Variants in ANO2 observed in about 807,000 individuals in gnomAD.
ANO2 encodes anoctamin 2, also known as anoctamin-2.
In ANO2, 101 loss-of-function variants were observed where a neutral mutation model predicts 124.2. The observed-to-expected ratio is 0.81, with a 90% CI of 0.69 to 0.96. The LOEUF (loss-of-function observed/expected upper bound fraction) is 0.96, where lower values mean the gene tolerates loss of function less well. ANO2 is among the 40% of genes least tolerant of loss of function. The probability of loss-of-function intolerance (pLI) is 0.00; values close to 1 mark genes in which losing one functional copy is unlikely to be tolerated. For missense variants in ANO2, 1,293 were observed against 1,274.5 expected (o/e 1.01, Z -0.22); for synonymous variants, 486 against 482.5 (o/e 1.01, Z -0.09).
At chr12:5,872,487 T>C (rs1937771966) in intron 3 of ANO2, among the ~76,000 whole-genome samples, 1 of 152,096 alleles carries the variant, frequency 6.6e-6, no homozygotes, top group Non-Finnish European at 1.5e-5. Flanking sequence ...TCACCTCAAA[T>C]CAGTGACTAA....
intron 7 of ANO2, among the ~76,000 whole-genome samples, chr12:5,817,924 A>C (rs1033768694): frequency 2.2e-4 from 33 of 152,192 alleles, no homozygotes; most frequent in African/African-American, 5.8e-4. Context: ...GAAATCAAGG[A>C]AAATGTGGCC....
intron 11 of ANO2, among the ~76,000 whole-genome samples, chr12:5,745,997 T>C (rs920294746): frequency 1.1e-4 from 17 of 152,344 alleles, no homozygotes; most frequent in Non-Finnish European, 1.9e-4. Flanking sequence ...CACTTGTCTG[T>C]ATAAATTCTA....
chr12:5,632,329 C>T (rs1001414891), intron 16 of ANO2, among the ~76,000 whole-genome samples: 1 of 151,918 alleles, frequency 6.6e-6, no homozygotes, highest in African/African-American at 2.4e-5. Flanking sequence ...AAGAGATTCA[C>T]ATTTTAGAGG....
chr12:5,845,352 G>GCGAA (rs1954649433), intron 4 of ANO2, among the ~76,000 whole-genome samples: 1 of 151,948 alleles, frequency 6.6e-6, no homozygotes, highest in Non-Finnish European at 1.5e-5. Flanking sequence ...TGGATCACAA[G>GCGAA]GTCAGGAGAC....
chr12:5,815,750 C>T (rs1359769926), intron 7 of ANO2, among the ~76,000 whole-genome samples: 1 of 152,004 alleles, frequency 6.6e-6, no homozygotes, highest in Non-Finnish European at 1.5e-5. Context: ...TTTATTTTCT[C>T]TGGTTCTTAT....
intron 3 of ANO2, among the ~76,000 whole-genome samples, chr12:5,854,374 C>T (rs1371626563): frequency 1.5e-5 from 2 of 137,152 alleles, no homozygotes; most frequent in African/African-American, 5.7e-5. Flanking sequence ...AAGTGTGGCC[C>T]CTGGAAGTTT....
intron 2 of ANO2, among the ~76,000 whole-genome samples, chr12:5,922,090 A>G (rs1486887752): frequency 1.3e-5 from 2 of 152,156 alleles, no homozygotes; most frequent in African/African-American, 2.4e-5. Context: ...GCCCTTTCAA[A>G]GACAGCAGCA....
chr12:5,919,761 G>A (rs1262083848), intron 3 of ANO2, among the ~76,000 whole-genome samples: 4 of 151,830 alleles, frequency 2.6e-5, no homozygotes, highest in African/African-American at 7.3e-5. Context: ...GCAGTGGCGC[G>A]ATCTCGGCTC....
rs1952286112 is a variant in ANO2 at position 5,778,241 on chromosome 12, C to A, written c.1055+21266G>T. Reference sequence around the variant, plus strand: ...AGCACTACAAGATGAGTATTATTAACCCTATTTTATAGATGAGGACTGAGA... The same window carrying A: ...AGCACTACAAGATGAGTATTATTAAACCTATTTTATAGATGAGGACTGAGA... On this transcript the variant is annotated intron_variant, in intron 10 of 24. Transcript: ENST00000682330. Among the ~76,000 whole-genome samples the A allele has an allele frequency of 2.0e-5, 3 of 152,142 alleles. No homozygotes were observed. In the South Asian group the frequency reaches 6.2e-4, roughly 32 times the overall value.
At chr12:5,863,961 G>A (rs1451350437) in intron 3 of ANO2, among the ~76,000 whole-genome samples, 1 of 152,094 alleles carries the variant, frequency 6.6e-6, no homozygotes, top group East Asian at 1.9e-4. Flanking sequence ...ACATATGAAG[G>A]TATTTTGTAA....
At position 5,565,599 on chromosome 12, in the gene ANO2, A is replaced by G; in HGVS notation, c.2686T>C (p.Phe896Leu). The G allele has an allele frequency of 6.2e-7, 1 of 1,606,370 alleles. No individual in the cohort carries two copies. The highest frequency in any genetic ancestry group is 1.1e-5 in the South Asian group (1 of 89,164). The change falls in exon 24 of 25, where the codon TTT becomes CTT. Residue 896 changes from phenylalanine to leucine, a missense_variant. Transcript: ENST00000682330. ...NPYEFSKQYW[F>L]ILSARLAFVI... ...AAAGCCAGACGGGCGGACAGAATAA[A>G]CCAGTACTGTTTCGAAAACTCATAA...
intron 7 of ANO2, among the ~76,000 whole-genome samples, chr12:5,808,820 G>A (rs1049307035): frequency 6.6e-6 from 1 of 152,102 alleles, no homozygotes; most frequent in African/African-American, 2.4e-5. Context: ...ACCCGCAGAG[G>A]ATCTCAGACA....
At chr12:5,854,167 T>C in intron 3 of ANO2, 26 bp from the exon 4 acceptor site, 2 of 1,595,512 alleles carry the variant, frequency 1.3e-6, no homozygotes, top group South Asian at 1.1e-5. Flanking sequence ...AAAGAACAAA[T>C]GGAAACACTT....
chr12:5,657,789 C>A (rs903319508), intron 14 of ANO2, among the ~76,000 whole-genome samples: 2 of 151,020 alleles, frequency 1.3e-5, no homozygotes, highest in African/African-American at 4.9e-5. Context: ...AATAATCTGG[C>A]AGCCAATGCT....
At chr12:5,931,392 T>A (rs2136316836) in intron 1 of ANO2, among the ~76,000 whole-genome samples, 1 of 152,210 alleles carries the variant, frequency 6.6e-6, no homozygotes, top group African/African-American at 2.4e-5. Context: ...CCATTTAACT[T>A]CCCACGTATT....
intron 9 of ANO2, 40 bp downstream of exon 9, chr12:5,806,012 G>T (rs748029118): frequency 1.2e-6 from 2 of 1,603,712 alleles, no homozygotes; most frequent in African/African-American, 1.3e-5. Context: ...CCGTAGTCTC[G>T]CATGCCCAAA....
intron 10 of ANO2, among the ~76,000 whole-genome samples, chr12:5,794,019 G>A (rs1180572577): frequency 6.6e-6 from 1 of 152,196 alleles, no homozygotes; most frequent in African/African-American, 2.4e-5. Flanking sequence ...AAATGGACCA[G>A]AATGTAATGG....
chr12:5,779,535 C>T (rs1005920778), intron 10 of ANO2, among the ~76,000 whole-genome samples: 3 of 152,080 alleles, frequency 2.0e-5, no homozygotes, highest in Admixed American at 6.5e-5. Context: ...TGAAAATCTG[C>T]GGAGGAACAG....
At chr12:5,888,378 T>A (rs1339425141) in intron 3 of ANO2, among the ~76,000 whole-genome samples, 1 of 152,224 alleles carries the variant, frequency 6.6e-6, no homozygotes, top group South Asian at 2.1e-4. Context: ...GAACAAACCT[T>A]CCACAGTGTG....
Sources: gnomAD v4.1 joint callset for allele counts (sites outside exome capture counted in the v4.1 genomes callset) on GRCh38, gnomAD v4.1.1 for gene constraint, MANE v1.5 for transcripts, NCBI Gene and HGNC (gene_info 2026-07-23, HGNC 2026-07-21) for gene names.